Variants in NDUFAF7 observed in about 807,000 individuals in gnomAD.
The protein encoded by NDUFAF7 is NADH:ubiquinone oxidoreductase complex assembly factor 7.
NDUFAF7 carries 48 observed loss-of-function variants against 47.2 expected under a neutral mutation model. The observed-to-expected ratio is 1.02, with a 90% CI of 0.81 to 1.29. The LOEUF (loss-of-function observed/expected upper bound fraction) is 1.29. NDUFAF7 is among the 50% of genes most tolerant of loss of function. The pLI, the probability that NDUFAF7 is intolerant of heterozygous loss-of-function variation, is 0.00. For missense variants in NDUFAF7, 635 were observed against 537.6 expected (o/e 1.18, Z -1.79); for synonymous variants, 217 against 190.0 (o/e 1.14, Z -1.17).
At chr2:37,267,318 A>G in the NDUFAF7 span, 95 of 682,992 alleles carry the variant, frequency 1.4e-4, no homozygotes, top group Non-Finnish European at 2.1e-4. Context: ...TATAATGCCT[A>G]TATTACCATA....
the NDUFAF7 span, among the ~76,000 whole-genome samples, chr2:37,266,358 T>C: frequency 3.9e-5 from 6 of 152,178 alleles, no homozygotes; most frequent in East Asian, 1.2e-3. Context: ...GGAGTTTCCC[T>C]CTTGTTGCCC....
chr2:37,271,029 G>A, the NDUFAF7 span, among the ~76,000 whole-genome samples: 1 of 152,120 alleles, frequency 6.6e-6, no homozygotes, highest in Non-Finnish European at 1.5e-5. Flanking sequence ...CAGGACAAGA[G>A]ACTCATAGAT....
intron 7 of NDUFAF7, 21 bp downstream of exon 7, chr2:37,243,994 G>C (rs772346047): frequency 6.4e-7 from 1 of 1,550,646 alleles, no homozygotes; most frequent in Admixed American, 1.7e-5. Flanking sequence ...GCTTTTTTAA[G>C]TTTCTTTTAT....
intron 6 of NDUFAF7, among the ~76,000 whole-genome samples, chr2:37,243,618 T>C (rs1334732733): frequency 6.6e-6 from 1 of 152,222 alleles, no homozygotes; most frequent in Non-Finnish European, 1.5e-5. Context: ...ATTTCCGTTT[T>C]TGGGGTACTT....
the NDUFAF7 span, among the ~76,000 whole-genome samples, chr2:37,261,895 A>C: frequency 6.6e-6 from 1 of 152,366 alleles, no homozygotes; most frequent in South Asian, 2.1e-4. Context: ...CGTATTTTGA[A>C]TACCTGCACA....
At chr2:37,260,682 T>TA in the NDUFAF7 span, among the ~76,000 whole-genome samples, 3 of 152,324 alleles carry the variant, frequency 2.0e-5, no homozygotes, top group East Asian at 5.8e-4. Flanking sequence ...GACACTGCTC[T>TA]AATTTCATGC....
intron 4 of NDUFAF7, among the ~76,000 whole-genome samples, chr2:37,239,511 T>C (rs1316575097): frequency 6.6e-6 from 1 of 152,208 alleles, no homozygotes; most frequent in African/African-American, 2.4e-5. Flanking sequence ...GCTAGTGATA[T>C]ACCCTAGAGA....
downstream of NDUFAF7, chr2:37,254,212 A>T (rs1288301296): frequency 6.2e-7 from 1 of 1,609,244 alleles, no homozygotes; most frequent in Admixed American, 1.7e-5. Flanking sequence ...ACCTGTAGCC[A>T]GGGATGACTA....
At chr2:37,270,220 T>A in the NDUFAF7 span, among the ~76,000 whole-genome samples, 2 of 151,530 alleles carry the variant, frequency 1.3e-5, no homozygotes, top group Admixed American at 1.3e-4. Context: ...AGAGCGAGAC[T>A]CCATCTCAAG....
the NDUFAF7 span, among the ~76,000 whole-genome samples, chr2:37,266,850 T>G: frequency 2.0e-5 from 3 of 152,180 alleles, no homozygotes; most frequent in African/African-American, 7.2e-5. Context: ...TAACGTACAT[T>G]TGCATATTAT....
the NDUFAF7 span, among the ~76,000 whole-genome samples, chr2:37,266,712 T>G: frequency 6.6e-6 from 1 of 152,128 alleles, no homozygotes; most frequent in Non-Finnish European, 1.5e-5. Context: ...GGTCCCGAAC[T>G]CCTAACCTCA....
rs745918568 is a variant in NDUFAF7, at chr2:37,231,732, G to T, written c.27G>T (p.Leu9Phe). 1 of 1,614,208 alleles carries T rather than the reference G, an allele frequency of 6.2e-7. No homozygotes were observed. The highest frequency in any genetic ancestry group is 1.1e-5 in the South Asian group (1 of 91,086). ...TGAGTGTACTGCTGAGGTCAGGTTT[G>T]GGGCCGTTGTGTGCCGTGGCGCGCG... is the stretch of plus-strand genomic sequence containing the variant. MSVLLRSG[L>F]GPLCAVARAA... Residue 9 changes from leucine to phenylalanine, a missense_variant, in exon 1 of 10, where the codon TTG (leucine) becomes TTT (phenylalanine). By Grantham distance (22) the Leu-to-Phe change is conservative. Coordinates refer to ENST00000002125, the MANE Select transcript of NDUFAF7 (RefSeq NM_144736.5).
downstream of NDUFAF7, chr2:37,254,322 T>A (rs367965762): frequency 6.4e-6 from 10 of 1,561,876 alleles, no homozygotes; most frequent in African/African-American, 9.5e-5. Flanking sequence ...ATACATGAAT[T>A]TGGGTGCACA....
At chr2:37,263,398 T>A in the NDUFAF7 span, among the ~76,000 whole-genome samples, 1 of 152,220 alleles carries the variant, frequency 6.6e-6, no homozygotes, top group Non-Finnish European at 1.5e-5. Context: ...TGAGGCATTC[T>A]TTGTTTTTAG....
At chr2:37,267,689 T>C in the NDUFAF7 span, 1 of 601,982 alleles carries the variant, frequency 1.7e-6, no homozygotes, top group Non-Finnish European at 2.9e-6. Context: ...ACCTTTAATT[T>C]AGGAAAAAAT....
At chr2:37,235,281 T>G (rs1201360535) in intron 2 of NDUFAF7, among the ~76,000 whole-genome samples, 3 of 152,140 alleles carry the variant, frequency 2.0e-5, no homozygotes, top group Non-Finnish European at 4.4e-5. Context: ...CAACCCTTTT[T>G]CTGGAGATAT....
At chr2:37,232,302 T>TA (rs1363228295) in intron 2 of NDUFAF7, 36 bp downstream of exon 2, 1 of 1,611,288 alleles carries the variant, frequency 6.2e-7, no homozygotes, top group South Asian at 1.1e-5. Flanking sequence ...AGGCCCTCTC[T>TA]AGCCGATTTG....
chr2:37,248,096 T>A, intron 9 of NDUFAF7, 39 bp from the exon 10 acceptor site: 1 of 1,491,482 alleles, frequency 6.7e-7, no homozygotes, highest in Non-Finnish European at 9.3e-7. Context: ...AGGAATCCTG[T>A]CTTCTGGTTA....
intron 4 of NDUFAF7, among the ~76,000 whole-genome samples, chr2:37,240,685 T>G (rs1666253205): frequency 6.6e-6 from 1 of 152,136 alleles, no homozygotes; most frequent in Admixed American, 6.5e-5. Flanking sequence ...ACTTTAAAAG[T>G]TGATTCCAGA....
Sources: allele counts gnomAD v4.1 joint callset (sites outside exome capture counted in the v4.1 genomes callset), GRCh38; gene constraint gnomAD v4.1.1; transcripts MANE v1.5; gene names NCBI Gene and HGNC (gene_info 2026-07-23, HGNC 2026-07-21).